Variants in TBC1D9 observed in about 807,000 individuals in gnomAD.
TBC1D9 encodes TBC1 domain family member 9, also known as TBC1 domain family member 9A.
Under a neutral mutation model 132.0 loss-of-function variants are expected in TBC1D9, and 63 were observed. The observed-to-expected ratio is 0.48, with a 90% CI of 0.39 to 0.59. TBC1D9 has a LOEUF of 0.59. Ranked by LOEUF, TBC1D9 falls within the 20% of genes least tolerant of loss-of-function variation. The pLI, the probability that TBC1D9 is intolerant of heterozygous loss-of-function variation, is 0.00. For missense variants in TBC1D9, 1,261 were observed against 1,592.7 expected (o/e 0.79, Z 3.54); for synonymous variants, 610 against 609.9 (o/e 1.00, Z 0.00).
chr4:140,672,897 C>T (rs1457925148), intron 6 of TBC1D9, among the ~76,000 whole-genome samples: 2 of 152,292 alleles, frequency 1.3e-5, no homozygotes, highest in African/African-American at 2.4e-5. Flanking sequence ...ACGTGGCTCA[C>T]GCCTGTAATC....
chr4:140,739,064 G>A (rs1424422359), intron 1 of TBC1D9, among the ~76,000 whole-genome samples: 2 of 151,622 alleles, frequency 1.3e-5, no homozygotes, highest in African/African-American at 2.4e-5. Context: ...CCAGGCTGGA[G>A]TGCAATGGCG....
At chr4:140,658,401 T>C (rs567364043) in intron 11 of TBC1D9, among the ~76,000 whole-genome samples, 6 of 152,258 alleles carry the variant, frequency 3.9e-5, no homozygotes, top group Non-Finnish European at 8.8e-5. Flanking sequence ...AACATAGAAA[T>C]GATACAGTAA....
chr4:140,733,756 CTA>C (rs1553974202), intron 1 of TBC1D9, among the ~76,000 whole-genome samples: 2 of 152,126 alleles, frequency 1.3e-5, no homozygotes, highest in Non-Finnish European at 2.9e-5. Flanking sequence ...CTGTTTAACT[CTA>C]TATGTGACAT....
intron 2 of TBC1D9, among the ~76,000 whole-genome samples, chr4:140,691,127 C>A (rs1034095626): frequency 6.6e-6 from 1 of 152,090 alleles, no homozygotes; most frequent in East Asian, 1.9e-4. Flanking sequence ...CTGAAAAGTA[C>A]GAGCCAGGAC....
intron 9 of TBC1D9, among the ~76,000 whole-genome samples, chr4:140,667,138 G>C (rs2111006501): frequency 6.6e-6 from 1 of 152,330 alleles, no homozygotes; most frequent in African/African-American, 2.4e-5. Context: ...CTCTGGCCTG[G>C]AGCTGTGCTC....
chr4:140,658,551 A>T (rs1442335763), intron 11 of TBC1D9, among the ~76,000 whole-genome samples: 7 of 152,026 alleles, frequency 4.6e-5, no homozygotes, highest in African/African-American at 1.7e-4. Flanking sequence ...AAAAAATAAT[A>T]ATAATCCCAG....
chr4:140,669,535 C>A, intron 8 of TBC1D9, 99 bp downstream of exon 8: 1 of 1,281,336 alleles, frequency 7.8e-7, no homozygotes, highest in Non-Finnish European at 1.1e-6. Context: ...GGAAAATCTC[C>A]ATTTACATAG....
chr4:140,707,445 G>T (rs1046567025), intron 1 of TBC1D9, among the ~76,000 whole-genome samples: 3 of 152,140 alleles, frequency 2.0e-5, no homozygotes, highest in Non-Finnish European at 4.4e-5. Flanking sequence ...CTATACACAT[G>T]CAAGACTTTT....
rs572515303 is a variant in TBC1D9, at chr4:140,712,438, T to A, written c.131-10824A>T. ...TCAAGTATTCTCTGAATATGCTCTTTAAAAAAAAAGAATATATATATATGC... is the reference window on the plus strand; with the variant it reads ...TCAAGTATTCTCTGAATATGCTCTTAAAAAAAAAAGAATATATATATATGC... On this transcript the variant is annotated intron_variant, in intron 1 of 20. Coordinates refer to ENST00000442267, the MANE Select transcript of TBC1D9 (RefSeq NM_015130.3). 4.2e-3 allele frequency among the ~76,000 whole-genome samples: 123 copies of A among 29,220 alleles called. No individual in the cohort carries two copies. In the African/African-American group the frequency reaches 0.046, roughly 11 times the overall value. The allele number at this position is 29,220 out of a possible 152,430, so 19.2% of individuals were successfully genotyped here. A position where few individuals can be genotyped will look rare whatever the true frequency, so the allele number is the denominator to read the frequency against.
intron 20 of TBC1D9, among the ~76,000 whole-genome samples, chr4:140,623,809 T>C (rs1736662034): frequency 6.6e-6 from 1 of 152,218 alleles, no homozygotes; most frequent in Non-Finnish European, 1.5e-5. Flanking sequence ...AGCACGGTGA[T>C]CTGAAAACAG....
chr4:140,747,176 C>G (rs958002124), intron 1 of TBC1D9, among the ~76,000 whole-genome samples: 1 of 151,838 alleles, frequency 6.6e-6, no homozygotes, highest in Non-Finnish European at 1.5e-5. Context: ...GGTGAAAGCC[C>G]TCCTCTACTA....
At chr4:140,704,448 A>AG (rs1738120260) in intron 1 of TBC1D9, among the ~76,000 whole-genome samples, 1 of 151,908 alleles carries the variant, frequency 6.6e-6, no homozygotes, top group East Asian at 1.9e-4. Flanking sequence ...AAAAAAAAAA[A>AG]AAAGAAAAGG....
intron 13 of TBC1D9, among the ~76,000 whole-genome samples, chr4:140,640,537 G>C (rs1408794663): frequency 6.6e-6 from 1 of 151,824 alleles, no homozygotes; most frequent in Non-Finnish European, 1.5e-5. Flanking sequence ...GGTGAGGGAG[G>C]CCCCCTTGGG....
intron 1 of TBC1D9, among the ~76,000 whole-genome samples, chr4:140,752,490 T>C (rs901662196): frequency 2.6e-5 from 4 of 152,174 alleles, no homozygotes; most frequent in African/African-American, 9.7e-5. Context: ...TGACAATGAT[T>C]GGCTGAGAAT....
At chr4:140,657,933 C>T in intron 11 of TBC1D9, 121 bp from the exon 12 acceptor site, 2 of 1,151,560 alleles carry the variant, frequency 1.7e-6, no homozygotes, top group Non-Finnish European at 2.5e-6. Context: ...GACTGTTCTG[C>T]TGTGACTGTT....
chr4:140,630,387 T>C (rs1472062462), intron 16 of TBC1D9, among the ~76,000 whole-genome samples: 3 of 152,204 alleles, frequency 2.0e-5, no homozygotes, highest in Non-Finnish European at 4.4e-5. Context: ...ATGGTAGCAT[T>C]ATAACCTGAC....
In TBC1D9 at chr4:140,679,852, G is replaced by T; in HGVS notation, c.361-9C>A. On this transcript the variant is annotated splice_polypyrimidine_tract_variant and intron_variant, in intron 3 of 20. Coordinates refer to ENST00000442267, the MANE Select transcript of TBC1D9 (RefSeq NM_015130.3). ...TATTCTGCAATGATGCCCTAATAAG[G>T]AATAAAACACAAAGCACACAACTGG... 1 of 1,602,260 alleles carries T rather than the reference G, an allele frequency of 6.2e-7. No individual in the cohort carries two copies. The highest frequency in any genetic ancestry group is 8.5e-7 in the Non-Finnish European group (1 of 1,172,430).
In TBC1D9 at chr4:140,679,116, C is replaced by T. The variant is rs1468619324; in HGVS notation, c.677G>A (p.Arg226Gln). 2.5e-6 allele frequency: 4 copies of T among 1,613,770 alleles called. No homozygotes were observed. Among genetic ancestry groups the T allele is most frequent in the African/African-American group, 2.7e-5 (2 of 74,904 alleles). ...TACAGAGAAGAAATGCTCACTGGACCGTGTGCTCACTTTGATCACATCAGG... is the reference window on the plus strand; with the variant it reads ...TACAGAGAAGAAATGCTCACTGGACTGTGTGCTCACTTTGATCACATCAGG... ...LLPDVIKVST[R>Q]SSEHFFSVFL... The change falls in exon 5 of 21, where the codon CGG becomes CAG. Residue 226 changes from arginine (R) to glutamine (Q), a missense_variant. Physicochemically the swap from Arg to Gln is conservative, Grantham distance 43 (BLOSUM62 1). Around this residue, in one of 3 missense-constraint regions of TBC1D9, gnomAD observed 550 missense variants for 699.0 expected, o/e 0.79. Coordinates refer to ENST00000442267, the MANE Select transcript of TBC1D9 (RefSeq NM_015130.3).
chr4:140,688,863 A>T (rs1407511503), intron 2 of TBC1D9, among the ~76,000 whole-genome samples: 1 of 152,176 alleles, frequency 6.6e-6, no homozygotes, highest in African/African-American at 2.4e-5. Flanking sequence ...AATATTTTAA[A>T]CTTAAAAATT....
Sources: gnomAD v4.1 joint callset for allele counts (sites outside exome capture counted in the v4.1 genomes callset) on GRCh38, gnomAD v4.1.1 for gene constraint, gnomAD v4.1.1 regional missense constraint, MANE v1.5 for transcripts, NCBI Gene and HGNC (gene_info 2026-07-23, HGNC 2026-07-21) for gene names.